FBXL4: variants seen among roughly 807,000 people sequenced by gnomAD.
FBXL4 encodes the protein F-box/LRR-repeat protein 4.
A neutral mutation model predicts 58.9 loss-of-function variants in FBXL4; 40 were observed. That is an observed-to-expected ratio of 0.68 (90% CI 0.53 to 0.88). The LOEUF (loss-of-function observed/expected upper bound fraction) is 0.88, where lower values mean the gene tolerates loss of function less well. Ranked by LOEUF, FBXL4 falls within the 40% of genes least tolerant of loss-of-function variation. The pLI, the probability that FBXL4 is intolerant of heterozygous loss-of-function variation, is 0.00. For missense variants in FBXL4, 676 were observed against 734.4 expected (o/e 0.92, Z 0.92); for synonymous variants, 263 against 265.5 (o/e 0.99, Z 0.09).
intron 7 of FBXL4, among the ~76,000 whole-genome samples, chr6:98,892,332 T>C (rs1771260210): frequency 6.6e-6 from 1 of 152,228 alleles, no homozygotes; most frequent in Non-Finnish European, 1.5e-5. Flanking sequence ...CGGTTCTTTC[T>C]ATTTTAATTT....
At chr6:98,882,759 T>C (rs1770898451) in intron 7 of FBXL4, among the ~76,000 whole-genome samples, 1 of 152,066 alleles carries the variant, frequency 6.6e-6, no homozygotes, top group South Asian at 2.1e-4. Context: ...TTACTATACG[T>C]TATGTATCCA....
chr6:98,883,539 A>G (rs1244341587), intron 7 of FBXL4, among the ~76,000 whole-genome samples: 6 of 151,796 alleles, frequency 4.0e-5, no homozygotes, highest in African/African-American at 7.3e-5. Context: ...TTTTAAAATC[A>G]GAGTTTTAGA....
intron 7 of FBXL4, among the ~76,000 whole-genome samples, chr6:98,886,130 C>A (rs1399916284): frequency 6.6e-6 from 1 of 152,182 alleles, no homozygotes; most frequent in African/African-American, 2.4e-5. Flanking sequence ...TCCTGACCCA[C>A]AGAAAACGTG....
intron 5 of FBXL4, among the ~76,000 whole-genome samples, chr6:98,914,129 C>T (rs1049347022): frequency 6.6e-6 from 1 of 152,276 alleles, no homozygotes; most frequent in East Asian, 1.9e-4. Context: ...GAAGTTGAAT[C>T]TCTGAATAGA....
At chr6:98,875,829 T>G (rs558316309) in intron 8 of FBXL4, 102 bp from the exon 9 acceptor site, 1 of 1,151,082 alleles carries the variant, frequency 8.7e-7, no homozygotes, top group Non-Finnish European at 1.3e-6. Context: ...TTTGCTTCCA[T>G]GTAAACAAAT....
chr6:98,917,195 G>C (rs1772392661), intron 5 of FBXL4, among the ~76,000 whole-genome samples, 179 bp downstream of exon 5: 1 of 152,072 alleles, frequency 6.6e-6, no homozygotes, highest in Non-Finnish European at 1.5e-5. Context: ...CAAAACAAAA[G>C]CAGTGAAATT....
intron 8 of FBXL4, among the ~76,000 whole-genome samples, chr6:98,877,354 A>G (rs1770697478): frequency 6.6e-6 from 1 of 152,166 alleles, no homozygotes; most frequent in African/African-American, 2.4e-5. Flanking sequence ...TATGAAACCT[A>G]TGATTCTGAC....
intron 6 of FBXL4, among the ~76,000 whole-genome samples, chr6:98,902,458 A>C (rs1771650912): frequency 6.6e-6 from 1 of 152,172 alleles, no homozygotes; most frequent in South Asian, 2.1e-4. Context: ...CAACTGTATA[A>C]AATATAGGCA....
chr6:98,919,845 C>T (rs1772511492), intron 4 of FBXL4, among the ~76,000 whole-genome samples: 1 of 152,040 alleles, frequency 6.6e-6, no homozygotes, highest in South Asian at 2.1e-4. Flanking sequence ...TTTAGTCTTA[C>T]TTTTTTGTCG....
At chr6:98,938,523 C>A (rs1278120428) in intron 1 of FBXL4, among the ~76,000 whole-genome samples, 1 of 152,122 alleles carries the variant, frequency 6.6e-6, no homozygotes, top group Non-Finnish European at 1.5e-5. Context: ...TGAAATCAAT[C>A]AAGAAAAAGA....
chr6:98,935,681 C>G (rs913604957), intron 1 of FBXL4, among the ~76,000 whole-genome samples: 2 of 150,280 alleles, frequency 1.3e-5, no homozygotes, highest in Non-Finnish European at 3.0e-5. Flanking sequence ...CCCAGCTACT[C>G]GGGAGGCTGA....
chr6:98,896,155 G>T (rs1229508291), intron 7 of FBXL4, among the ~76,000 whole-genome samples: 2 of 152,134 alleles, frequency 1.3e-5, no homozygotes, highest in African/African-American at 4.8e-5. Flanking sequence ...AGTCTAGAAT[G>T]AGAATATACT....
Position 98,872,719 on chromosome 6 carries a change from A to G in FBXL4, c.*1559T>C, listed in dbSNP as rs377266133. The G allele has an allele frequency of 3.3e-5, 5 of 152,324 alleles. No individual in the cohort carries two copies. The highest frequency in any genetic ancestry group is 7.2e-5 in the African/African-American group (3 of 41,586). 9.4% of individuals were successfully genotyped at this position (152,324 alleles called of 1,614,324 possible). ...GAAAAAGTTTCCTGACCTCTGCCCT[A>G]GAGCCAGAAGCTACCCTGAACACCT... On this transcript the variant is annotated 3_prime_UTR_variant, in exon 10 of 10. Transcript: ENST00000369244.
chr6:98,902,384 T>C (rs903407819), intron 6 of FBXL4, among the ~76,000 whole-genome samples: 2 of 152,118 alleles, frequency 1.3e-5, no homozygotes, highest in South Asian at 2.1e-4. Context: ...CCAACAATGA[T>C]AGAAAGAAGG....
At chr6:98,905,759 G>C in intron 5 of FBXL4, 89 bp from the exon 6 acceptor site, 1 of 1,270,350 alleles carries the variant, frequency 7.9e-7, no homozygotes, top group Non-Finnish European at 1.1e-6. Context: ...AGGAATAAAA[G>C]TGTCATACAT....
chr6:98,893,784 T>A (rs1375741883), intron 7 of FBXL4, among the ~76,000 whole-genome samples: 1 of 138,476 alleles, frequency 7.2e-6, no homozygotes, highest in Non-Finnish European at 1.6e-5. Flanking sequence ...TGAAAATACA[T>A]AAGAAATCAT....
chr6:98,911,792 G>A (rs1260894729), intron 5 of FBXL4, among the ~76,000 whole-genome samples: 2 of 152,234 alleles, frequency 1.3e-5, no homozygotes, highest in Non-Finnish European at 2.9e-5. Flanking sequence ...AAGGAACGCA[G>A]TTCCTCACCG....
At chr6:98,912,032 C>G (rs942814617) in intron 5 of FBXL4, among the ~76,000 whole-genome samples, 38 of 152,146 alleles carry the variant, frequency 2.5e-4, no homozygotes, top group African/African-American at 6.3e-4. Flanking sequence ...GAAGAATGCA[C>G]AAGCCTCAGG....
intron 1 of FBXL4, among the ~76,000 whole-genome samples, chr6:98,943,874 T>C (rs1450969934): frequency 6.6e-6 from 1 of 152,034 alleles, no homozygotes; most frequent in Non-Finnish European, 1.5e-5. Context: ...TAAGATAAAA[T>C]CCACTAAGAA....
Sources: gnomAD v4.1 joint callset for allele counts (sites outside exome capture counted in the v4.1 genomes callset) on GRCh38, gnomAD v4.1.1 for gene constraint, MANE v1.5 for transcripts, NCBI Gene and HGNC (gene_info 2026-07-23, HGNC 2026-07-21) for gene names.